TMEM108: variants seen among roughly 807,000 people sequenced by gnomAD.
TMEM108 encodes transmembrane protein 108.
In TMEM108, 12 loss-of-function variants were observed where a neutral mutation model predicts 35.1. That is an observed-to-expected ratio of 0.34 (90% confidence interval 0.22 to 0.55). TMEM108 has a LOEUF of 0.55. Among genes scored for constraint, TMEM108 ranks in the 20% least tolerant of loss-of-function variants. The pLI is 0.89. For synonymous variants in TMEM108, 287 were observed against 308.6 expected, an observed-to-expected ratio of 0.93 and a Z score of 0.73; for missense variants, 680 against 753.3, an observed-to-expected ratio of 0.90 and a Z score of 1.14.
chr3:133,381,226 C>T, intron 4 of TMEM108, 65 bp downstream of exon 4: 1 of 1,487,380 alleles, frequency 6.7e-7, no homozygotes, highest in South Asian at 1.4e-5. Flanking sequence ...CCCCAGCATT[C>T]CTTTGTCCCT....
intron 2 of TMEM108, among the ~76,000 whole-genome samples, chr3:133,095,164 G>T (rs968325286): frequency 2.0e-5 from 3 of 152,138 alleles, no homozygotes; most frequent in African/African-American, 7.2e-5. Flanking sequence ...AAAAATTTGT[G>T]TCTTAATAGC....
chr3:133,087,970 T>C (rs1471100899), intron 2 of TMEM108, among the ~76,000 whole-genome samples: 1 of 152,184 alleles, frequency 6.6e-6, no homozygotes, highest in Non-Finnish European at 1.5e-5. Context: ...AGATGAATAC[T>C]ATAATCTGGG....
chr3:133,082,606 A>G (rs1194207966), intron 2 of TMEM108, among the ~76,000 whole-genome samples: 2 of 152,120 alleles, frequency 1.3e-5, no homozygotes, highest in African/African-American at 4.8e-5. Context: ...ACAGTATATT[A>G]TATGGTCACT....
chr3:133,379,670 G>A, intron 3 of TMEM108, 82 bp from the exon 4 acceptor site: 2 of 1,415,044 alleles, frequency 1.4e-6, no homozygotes, highest in South Asian at 2.6e-5. Flanking sequence ...TCCCAGCACT[G>A]TCCTAGGCCA....
chr3:133,232,389 C>G (rs1201834716), intron 3 of TMEM108, among the ~76,000 whole-genome samples: 1 of 152,146 alleles, frequency 6.6e-6, no homozygotes, highest in African/African-American at 2.4e-5. Context: ...ACCATGTGAT[C>G]TCTGCACATA....
intron 2 of TMEM108, among the ~76,000 whole-genome samples, chr3:133,057,421 T>TTGTGTG (rs139260604): frequency 9.5e-6 from 1 of 105,458 alleles, no homozygotes; most frequent in Admixed American, 9.6e-5. Context: ...GGGCTATTAG[T>TTGTGTG]TGTGTGTGTG....
chr3:133,284,305 T>G (rs1436309561), intron 3 of TMEM108, among the ~76,000 whole-genome samples: 3 of 152,216 alleles, frequency 2.0e-5, no homozygotes, highest in African/African-American at 7.2e-5. Flanking sequence ...GGGTTAGCCC[T>G]TTCCTCCACC....
intron 2 of TMEM108, chr3:133,118,938 T>A (rs1344915320): frequency 2.0e-5 from 3 of 152,204 alleles, no homozygotes; most frequent in Admixed American, 6.5e-5. Flanking sequence ...CTTGATCACA[T>A]CATTAACCTC....
rs369282363 is a variant in TMEM108 at position 133,221,257 on chromosome 3, C to T, written c.-46-8009C>T. ...ATGGCTTGATTTTTCTGGTGACCAG[C>T]CCCCACCCAGGAGCCCACCAAGAAT... is the stretch of plus-strand genomic sequence containing the variant. On this transcript the variant is annotated intron_variant, in intron 2 of 5. Coordinates refer to ENST00000321871, the MANE Select transcript of TMEM108 (RefSeq NM_023943.4). 4.8e-4 allele frequency among the ~76,000 whole-genome samples: 73 copies of T among 152,146 alleles called. 1 individual carries two copies. The South Asian group carries it at 0.014, about 29-fold the overall frequency.
intron 2 of TMEM108, among the ~76,000 whole-genome samples, chr3:133,214,737 A>C (rs1945881554): frequency 6.6e-6 from 1 of 152,176 alleles, no homozygotes; most frequent in Admixed American, 6.5e-5. Flanking sequence ...AGGATGCATT[A>C]GCAGGAGGTG....
chr3:133,287,039 T>G (rs1946995233), intron 3 of TMEM108, among the ~76,000 whole-genome samples: 1 of 152,190 alleles, frequency 6.6e-6, no homozygotes, highest in Non-Finnish European at 1.5e-5. Flanking sequence ...GTGCTCTTCT[T>G]TGCTGTAAAA....
chr3:133,199,198 T>C (rs1202112773), intron 2 of TMEM108, among the ~76,000 whole-genome samples: 1 of 152,202 alleles, frequency 6.6e-6, no homozygotes, highest in Non-Finnish European at 1.5e-5. Context: ...CTAATCTTTT[T>C]TCAAGGTTTT....
chr3:133,168,520 T>A (rs1412516130), intron 2 of TMEM108, among the ~76,000 whole-genome samples: 1 of 152,058 alleles, frequency 6.6e-6, no homozygotes, highest in African/African-American at 2.4e-5. Context: ...AACTTTTCTG[T>A]CTAGCTAAAG....
At chr3:133,063,095 T>G (rs1285091238) in intron 2 of TMEM108, among the ~76,000 whole-genome samples, 1 of 152,024 alleles carries the variant, frequency 6.6e-6, no homozygotes. Context: ...GTATCAGAGA[T>G]GGGAAACTGA....
At chr3:133,150,687 A>C (rs1044665526) in intron 2 of TMEM108, among the ~76,000 whole-genome samples, 1 of 152,194 alleles carries the variant, frequency 6.6e-6, no homozygotes, top group African/African-American at 2.4e-5. Flanking sequence ...CTTAGCTTTA[A>C]AAAAAGCCAT....
At chr3:133,098,382 C>T (rs1057179226) in intron 2 of TMEM108, among the ~76,000 whole-genome samples, 6 of 152,142 alleles carry the variant, frequency 3.9e-5, no homozygotes, top group African/African-American at 9.7e-5. Flanking sequence ...TTCTGGGAGA[C>T]AAAATTCAAG....
intron 5 of TMEM108, among the ~76,000 whole-genome samples, chr3:133,393,949 G>A (rs991483861): frequency 1.3e-5 from 2 of 152,240 alleles, no homozygotes; most frequent in African/African-American, 4.8e-5. Context: ...CAGACCAGGA[G>A]GGCGCCATAG....
At chr3:133,127,666 C>T (rs774513645) in intron 2 of TMEM108, among the ~76,000 whole-genome samples, 19 of 152,220 alleles carry the variant, frequency 1.2e-4, no homozygotes, top group Non-Finnish European at 2.8e-4. Context: ...TCTTCCACTC[C>T]AGGCTGGCTC....
chr3:133,116,464 A>C (rs1944289018), intron 2 of TMEM108, among the ~76,000 whole-genome samples: 1 of 152,196 alleles, frequency 6.6e-6, no homozygotes, highest in African/African-American at 2.4e-5. Context: ...ATTTTTCATG[A>C]ACTTTTTGAA....
Sources: gnomAD v4.1 joint callset for allele counts (sites outside exome capture counted in the v4.1 genomes callset) on GRCh38, gnomAD v4.1.1 for gene constraint, MANE v1.5 for transcripts, NCBI Gene and HGNC (gene_info 2026-07-23, HGNC 2026-07-21) for gene names.